Variants in KIAA1217 observed in about 807,000 individuals in gnomAD.
KIAA1217 encodes KIAA1217.
KIAA1217 carries 88 observed loss-of-function variants against 163.9 expected under a neutral mutation model. That is an observed-to-expected ratio of 0.54 (90% CI 0.45 to 0.64). The LOEUF (loss-of-function observed/expected upper bound fraction) is 0.64. KIAA1217 is among the 30% of genes least tolerant of loss of function. KIAA1217 has a pLI of 0.00. For missense variants in KIAA1217, 2,372 were observed against 2,475.0 expected (o/e 0.96, Z 0.88); for synonymous variants, 903 against 923.1 (o/e 0.98, Z 0.39).
In KIAA1217 at chr10:24,540,253, A is replaced by G. The variant is rs147234218; in HGVS notation, c.3535-2440A>G. On this transcript the variant is annotated intron_variant, in intron 17 of 20. Coordinates refer to ENST00000376454, the MANE Select transcript of KIAA1217 (RefSeq NM_019590.5). Reference sequence around the variant, plus strand: ...TTTGAAATTTATTTATTTATTTTTGAGACCGAGTCTCGCTCTCTCGCCCAG... The same window carrying G: ...TTTGAAATTTATTTATTTATTTTTGGGACCGAGTCTCGCTCTCTCGCCCAG... Among the ~76,000 whole-genome samples, 119 of 152,294 alleles carry G rather than the reference A, an allele frequency of 7.8e-4. 3 individuals carry two copies. In the East Asian group the frequency reaches 0.017, roughly 22 times the overall value.
chr10:24,069,246 C>G (rs79568083), intron 2 of KIAA1217, among the ~76,000 whole-genome samples: 3 of 152,088 alleles, frequency 2.0e-5, no homozygotes, highest in Non-Finnish European at 4.4e-5. Context: ...TAGGTAGCAC[C>G]GTAGAGGTTG....
At chr10:23,874,794 A>G (rs1840606870) in intron 1 of KIAA1217, among the ~76,000 whole-genome samples, 1 of 152,006 alleles carries the variant, frequency 6.6e-6, no homozygotes. Flanking sequence ...AGTCACTATT[A>G]CAAATAATCA....
In KIAA1217 at chr10:24,474,047, G is replaced by A; in HGVS notation, c.1666G>A (p.Asp556Asn). The change falls in exon 6 of 21, where the codon GAC becomes AAC. Residue 556 changes from aspartate (D) to asparagine (N), a missense_variant. Transcript: ENST00000376454. ...CTACAGCACGGCGACAATACCCAAA[G>A]ACAGAGAGACCAGGTAAGGTGCAGT... is the stretch of plus-strand genomic sequence containing the variant. ...FAYSTATIPKDRETRERMQAM... is the reference protein window; with the variant it reads ...FAYSTATIPKNRETRERMQAM... The A allele has an allele frequency of 6.2e-7, 1 of 1,603,934 alleles. No homozygotes were observed.
intron 2 of KIAA1217, among the ~76,000 whole-genome samples, chr10:24,143,317 T>G (rs1217053215): frequency 6.6e-6 from 1 of 152,024 alleles, no homozygotes; most frequent in African/African-American, 2.4e-5. Flanking sequence ...CAGGCTGGAG[T>G]CTGGAGTGGC....
chr10:24,163,807 C>G (rs2065225768), intron 2 of KIAA1217, among the ~76,000 whole-genome samples: 2 of 152,148 alleles, frequency 1.3e-5, no homozygotes, highest in African/African-American at 4.8e-5. Context: ...CTAATAAAGA[C>G]ACTCCCAGGC....
intron 2 of KIAA1217, among the ~76,000 whole-genome samples, chr10:24,179,096 T>C (rs1387156458): frequency 6.6e-6 from 1 of 152,130 alleles, no homozygotes; most frequent in Non-Finnish European, 1.5e-5. Flanking sequence ...GTACACAGAG[T>C]GCCTCACAGA....
intron 2 of KIAA1217, among the ~76,000 whole-genome samples, chr10:24,315,929 T>TGG (rs11350159): frequency 0.034 from 4,835 of 141,478 alleles, 90 homozygotes; most frequent in East Asian, 0.09. Flanking sequence ...TTTTATCTAA[T>TGG]GGGGGGGGGG....
intron 1 of KIAA1217, among the ~76,000 whole-genome samples, chr10:23,875,533 C>T (rs1320601918): frequency 1.3e-5 from 2 of 151,802 alleles, no homozygotes; most frequent in Non-Finnish European, 2.9e-5. Context: ...ATAAAGCATG[C>T]TTTATGAGGC....
intron 3 of KIAA1217, among the ~76,000 whole-genome samples, chr10:24,414,507 C>CT (rs1487947647): frequency 6.6e-6 from 1 of 152,126 alleles, no homozygotes; most frequent in East Asian, 1.9e-4. Flanking sequence ...GGGTTGATTG[C>CT]TTTTTTCCCA....
chr10:24,484,241 A>ATATATATATAT, intron 6 of KIAA1217, among the ~76,000 whole-genome samples: 1 of 75,158 alleles, frequency 1.3e-5, no homozygotes, highest in Non-Finnish European at 2.5e-5. Flanking sequence ...ATATATATAT[A>ATATATATATAT]TTTTTTTTTT....
intron 2 of KIAA1217, among the ~76,000 whole-genome samples, chr10:24,306,458 A>G (rs2042015563): frequency 6.6e-6 from 1 of 152,238 alleles, no homozygotes; most frequent in Non-Finnish European, 1.5e-5. Context: ...TTCCTGAACA[A>G]TATCACGGAA....
chr10:24,403,346 C>T (rs1246619884), intron 3 of KIAA1217, among the ~76,000 whole-genome samples: 1 of 152,198 alleles, frequency 6.6e-6, no homozygotes, highest in Non-Finnish European at 1.5e-5. Flanking sequence ...TCGAGCAATT[C>T]TTCTGCCTCA....
chr10:24,141,191 A>C, intron 2 of KIAA1217, among the ~76,000 whole-genome samples: 1 of 151,624 alleles, frequency 6.6e-6, no homozygotes, highest in African/African-American at 2.4e-5. Flanking sequence ...TCAAGGAGCA[A>C]AAAGGAGTCT....
chr10:24,379,883 C>G (rs150884473), intron 2 of KIAA1217, among the ~76,000 whole-genome samples: 1 of 152,150 alleles, frequency 6.6e-6, no homozygotes, highest in South Asian at 2.1e-4. Context: ...AAAACCCCAT[C>G]TCTACTAAAA....
intron 17 of KIAA1217, among the ~76,000 whole-genome samples, chr10:24,538,566 GAGGAAGGAAGGAAGGA>G (rs1220062160): frequency 8.3e-5 from 7 of 83,984 alleles, no homozygotes; most frequent in East Asian, 7.5e-4. Flanking sequence ...GGGAGGGAGG[GAGGAAGGAAGGAAGGA>G]AGGAAGGAAG....
chr10:24,229,582 A>G (rs1010384166), intron 2 of KIAA1217, among the ~76,000 whole-genome samples: 10 of 152,198 alleles, frequency 6.6e-5, no homozygotes, highest in Non-Finnish European at 1.3e-4. Flanking sequence ...CAATGGCACA[A>G]TCTCGGCTCA....
intron 1 of KIAA1217, among the ~76,000 whole-genome samples, chr10:23,801,630 T>C (rs1258587072): frequency 6.6e-6 from 1 of 152,174 alleles, no homozygotes; most frequent in African/African-American, 2.4e-5. Flanking sequence ...ATGACAAATA[T>C]AAACTGAGAA....
At chr10:23,828,363 A>G (rs1838004791) in intron 1 of KIAA1217, among the ~76,000 whole-genome samples, 1 of 152,128 alleles carries the variant, frequency 6.6e-6, no homozygotes, top group Non-Finnish European at 1.5e-5. Context: ...AACTTCTAGA[A>G]GCTCTAGAAG....
At chr10:23,699,403 T>C (rs1382982144) in intron 1 of KIAA1217, among the ~76,000 whole-genome samples, 1 of 152,182 alleles carries the variant, frequency 6.6e-6, no homozygotes, top group African/African-American at 2.4e-5. Flanking sequence ...CGTTCTGTAG[T>C]TTTCATGACA....
Sources: gnomAD v4.1 joint callset for allele counts (sites outside exome capture counted in the v4.1 genomes callset) on GRCh38, gnomAD v4.1.1 for gene constraint, MANE v1.5 for transcripts, NCBI Gene and HGNC (gene_info 2026-07-23, HGNC 2026-07-21) for gene names.